The following TG variants were observed in gnomAD, a reference collection of about 807,000 sequenced individuals.
The protein encoded by TG is thyroid hormones.
Under a neutral mutation model 324.7 loss-of-function variants are expected in TG, and 270 were observed. That is an observed-to-expected ratio of 0.83 (90% CI 0.75 to 0.92). TG has a LOEUF of 0.92. TG is among the 40% of genes least tolerant of loss of function. The probability of loss-of-function intolerance (pLI) is 0.00; values close to 1 mark genes in which losing one functional copy is unlikely to be tolerated. For missense variants in TG, 3,591 were observed against 3,456.4 expected (o/e 1.04, Z -0.98); for synonymous variants, 1,401 against 1,327.0 (o/e 1.06, Z -1.21).
intron 41 of TG, among the ~76,000 whole-genome samples, chr8:133,071,637 G>A (rs1177030198): frequency 1.4e-4 from 22 of 152,028 alleles, no homozygotes; most frequent in Admixed American, 1.4e-3. Flanking sequence ...GGCATGCAGC[G>A]GGGAGAGGGG....
chr8:132,969,520 A>C lies in TG; in HGVS notation c.5926A>C (p.Ile1976Leu), dbSNP rs894425388. ...TRLPFQKLMG[I>L]SIRNKVPMSE... ...CCTGCCGTTCCAAAAACTGATGGGG[A>C]TATCCATTAGAAATAAAGTGCCCAT... is the stretch of plus-strand genomic sequence containing the variant. The change falls in exon 32 of 48, where the codon ATA becomes CTA. Residue 1976 changes from isoleucine to leucine, a missense_variant. Transcript: ENST00000220616. 6.2e-7 allele frequency: 1 copy of C among 1,613,914 alleles called. No individual in the cohort carries two copies. Among genetic ancestry groups the C allele is most frequent in the Non-Finnish European group, 8.5e-7 (1 of 1,179,908 alleles).
chr8:133,047,058 A>T (rs1049598953), intron 41 of TG: 8 of 152,218 alleles, frequency 5.3e-5, no homozygotes, highest in Non-Finnish European at 8.8e-5. Context: ...GTATTTGGGG[A>T]TAAACATGGT....
At chr8:132,903,077 C>A (rs1193907071) in intron 16 of TG, among the ~76,000 whole-genome samples, 1 of 152,204 alleles carries the variant, frequency 6.6e-6, no homozygotes, top group African/African-American at 2.4e-5. Context: ...GCTGATGAAA[C>A]CCTCTGCTGT....
In TG at chr8:132,939,676, G is replaced by GT. The variant is rs796871552; in HGVS notation, c.5042-1672dup. Among the ~76,000 whole-genome samples, 94 of 147,572 alleles carry GT rather than the reference G, an allele frequency of 6.4e-4. 1 individual carries two copies. The highest frequency in any genetic ancestry group is 2.3e-3 in the African/African-American group (91 of 39,878). On this transcript the variant is annotated intron_variant, in intron 25 of 47. Coordinates refer to ENST00000220616, the MANE Select transcript of TG (RefSeq NM_003235.5). ...ATAGTCTATGGGGTTTTTTTTTTTT[G>GT]TTTGTTTGTTTGTTTTTTAAGATGG...
chr8:132,974,440 G>T (rs996996714), intron 34 of TG, among the ~76,000 whole-genome samples: 5 of 152,198 alleles, frequency 3.3e-5, no homozygotes, highest in South Asian at 2.1e-4. Context: ...TGCAGAGTAG[G>T]TATTGTTTTT....
intron 21 of TG, among the ~76,000 whole-genome samples, chr8:132,919,729 G>A (rs985147576): frequency 9.9e-5 from 15 of 152,202 alleles, no homozygotes; most frequent in African/African-American, 3.6e-4. Context: ...AGCCAAACAT[G>A]TCTCCAGACA....
At chr8:133,020,934 A>G (rs55701413) in intron 39 of TG, among the ~76,000 whole-genome samples, 3,751 of 152,184 alleles carry the variant, frequency 0.025, 147 homozygotes, top group African/African-American at 0.086. Flanking sequence ...AGGCCATCAT[A>G]TGTGGAGTGG....
chr8:132,966,488 TTC>T, intron 29 of TG, 70 bp from the exon 30 acceptor site: 1 of 1,295,472 alleles, frequency 7.7e-7, no homozygotes, highest in Non-Finnish European at 1.1e-6. Context: ...GTGTGTGTGT[TTC>T]TTTCTTGTGT....
intron 22 of TG, among the ~76,000 whole-genome samples, chr8:132,923,999 A>G (rs560264982): frequency 6.6e-6 from 1 of 152,140 alleles, no homozygotes; most frequent in East Asian, 1.9e-4. Flanking sequence ...ATTCAAACAC[A>G]TTGCATCTAT....
At chr8:132,976,007 G>T (rs1449195435) in intron 34 of TG, among the ~76,000 whole-genome samples, 1 of 152,174 alleles carries the variant, frequency 6.6e-6, no homozygotes, top group Non-Finnish European at 1.5e-5. Context: ...TGGAAAGTGA[G>T]ATTAATAAGA....
At chr8:133,027,774 T>A (rs936241057) in intron 40 of TG, among the ~76,000 whole-genome samples, 1 of 152,236 alleles carries the variant, frequency 6.6e-6, no homozygotes, top group African/African-American at 2.4e-5. Flanking sequence ...GAAATAGGAT[T>A]TGAGTCCCAA....
At chr8:132,878,470 G>T (rs1482256784) in intron 5 of TG, among the ~76,000 whole-genome samples, 2 of 151,954 alleles carry the variant, frequency 1.3e-5, no homozygotes, top group African/African-American at 4.8e-5. Context: ...CAAAAAATTA[G>T]CTGGGTGTGG....
chr8:133,029,757 C>T (rs1836445404), intron 40 of TG, 64 bp from the exon 41 acceptor site: 3 of 1,604,366 alleles, frequency 1.9e-6, no homozygotes, highest in Non-Finnish European at 1.7e-6. Context: ...ATAGACAGCA[C>T]CATGATTTTC....
At position 132,874,143 on chromosome 8, in the gene TG, G is replaced by A. The variant is rs1420316742; in HGVS notation, c.638+922G>A. Among the ~76,000 whole-genome samples the A allele has an allele frequency of 4.6e-5, 7 of 152,248 alleles. No homozygotes were observed. In the East Asian group the frequency reaches 1.3e-3, roughly 29 times the overall value. On this transcript the variant is annotated intron_variant, in intron 5 of 47. Coordinates refer to ENST00000220616, the MANE Select transcript of TG (RefSeq NM_003235.5). ...GCCGAGATTGTGCCACTGCACTCTA[G>A]CCTAGGTGACAGAGTGAGACTCCAT...
At chr8:133,001,822 G>T (rs1036963843) in intron 35 of TG, 13 of 985,344 alleles carry the variant, frequency 1.3e-5, no homozygotes, top group African/African-American at 1.2e-4. Flanking sequence ...TGCCTGAAAG[G>T]TTTCAGAATG....
Position 132,983,595 on chromosome 8 carries a change from A to G in TG, c.6262+183A>G, listed in dbSNP as rs1831174009. 6.1e-6 allele frequency: 4 copies of G among 661,116 alleles called. No individual in the cohort carries two copies. In the East Asian group the frequency reaches 8.1e-5, roughly 13 times the overall value. The allele number at this position is 661,116 out of a possible 1,614,324, so 41.0% of individuals were successfully genotyped here. Reference sequence around the variant, plus strand: ...TACCAGCAACATGCCCACTTTGCAGATGAGAAAATTGACTCACGGGAATGA... The same window carrying G: ...TACCAGCAACATGCCCACTTTGCAGGTGAGAAAATTGACTCACGGGAATGA... On this transcript the variant is annotated intron_variant, in intron 35 of 47. Transcript: ENST00000220616.
Position 132,935,713 on chromosome 8 carries a change from T to C in TG, c.4933-43T>C, listed in dbSNP as rs754223636. The C allele has an allele frequency of 6.6e-6, 10 of 1,524,418 alleles. 1 individual carries two copies. Among genetic ancestry groups the C allele is most frequent in the South Asian group, 4.5e-5 (4 of 88,826 alleles). 94.4% of individuals were successfully genotyped at this position (1,524,418 alleles called of 1,614,324 possible). A position where few individuals can be genotyped will look rare whatever the true frequency, so the allele number is the denominator to read the frequency against. ...GATGAATGTTTGTTGGATTGAATTATAAAGTATTGCAGGATAATAATGCAG... is the reference window on the plus strand; with the variant it reads ...GATGAATGTTTGTTGGATTGAATTACAAAGTATTGCAGGATAATAATGCAG... On this transcript the variant is annotated intron_variant, in intron 24 of 47. Transcript: ENST00000220616.
chr8:132,966,672 G>C lies in TG; in HGVS notation c.5661G>C (p.Gln1887His). Residue 1887 changes from glutamine (Q) to histidine (H), a missense_variant, in exon 30 of 48, where the codon CAG becomes CAC. Physicochemically the swap from Gln to His is conservative, Grantham distance 24. Transcript: ENST00000220616. Reference protein sequence around the residue: ...HWLFKHLFSAQQANLWCLSRC... With the variant: ...HWLFKHLFSAHQANLWCLSRC... ...TTTTCAAGCACCTGTTTTCAGCCCA[G>C]CAGGCAAACCTATGGTGCCTTTCTC... 6.2e-7 allele frequency: 1 copy of C among 1,614,084 alleles called. No homozygotes were observed. The highest frequency in any genetic ancestry group is 8.5e-7 in the Non-Finnish European group (1 of 1,180,000).
At chr8:133,048,690 GA>G (rs1423984531) in intron 41 of TG, 7 of 158,002 alleles carry the variant, frequency 4.4e-5, no homozygotes, top group Admixed American at 3.7e-4. Context: ...GCTAGTGAAT[GA>G]ATGGCTCCAG....
Sources: allele counts gnomAD v4.1 joint callset (sites outside exome capture counted in the v4.1 genomes callset), GRCh38; gene constraint gnomAD v4.1.1; transcripts MANE v1.5; gene names NCBI Gene and HGNC (gene_info 2026-07-23, HGNC 2026-07-21).